MGST2: variants seen among roughly 807,000 people sequenced by gnomAD.
MGST2 encodes the protein microsomal glutathione S-transferase 2.
A neutral mutation model predicts 16.6 loss-of-function variants in MGST2; 9 were observed. That is an observed-to-expected ratio of 0.54 (90% CI 0.33 to 0.95). MGST2 has a LOEUF of 0.95. Among genes scored for constraint, MGST2 ranks in the 40% least tolerant of loss-of-function variants. The pLI is 0.03. For missense variants in MGST2, 159 were observed against 175.1 expected (o/e 0.91, Z 0.52); for synonymous variants, 79 against 68.0 (o/e 1.16, Z -0.79).
At chr4:139,688,427 C>A (rs888728753) in intron 2 of MGST2, among the ~76,000 whole-genome samples, 4 of 152,146 alleles carry the variant, frequency 2.6e-5, no homozygotes, top group Admixed American at 2.6e-4. Context: ...CAAAATTAAC[C>A]TGCCACAAGG....
At position 139,703,546 on chromosome 4, in the gene MGST2, A is replaced by G. The variant is rs935055223; in HGVS notation, c.311+10A>G. On this transcript the variant is annotated intron_variant, in intron 4 of 4. Transcript: ENST00000265498. ...AAGCTGCTAAAAAACGGTAAGGAGA[A>G]CCCAGTAATTTTGTATTTATGCAAA... 5.6e-6 allele frequency: 9 copies of G among 1,611,798 alleles called. No individual in the cohort carries two copies. The African/African-American group carries it at 6.7e-5, about 12-fold the overall frequency.
chr4:139,750,617 T>A, the MGST2 span, among the ~76,000 whole-genome samples: 7 of 152,216 alleles, frequency 4.6e-5, no homozygotes, highest in Admixed American at 3.9e-4. Flanking sequence ...GTTCACTCTG[T>A]CTGACCCCAG....
chr4:139,721,536 C>G (rs1158383880), intron 5 of MGST2, among the ~76,000 whole-genome samples: 1 of 152,130 alleles, frequency 6.6e-6, no homozygotes, highest in Non-Finnish European at 1.5e-5. Flanking sequence ...ACCTGGCACC[C>G]TGGTAGATAA....
Position 139,670,414 on chromosome 4 carries a change from T to C in MGST2, c.58+4337T>C, listed in dbSNP as rs1354472250. ...GCAATTGGGTTACAGTTTGGTTTTA[T>C]ACATTTTAAGGAGGCAGGAATTATA... is the stretch of plus-strand genomic sequence containing the variant. On this transcript the variant is annotated intron_variant, in intron 1 of 4. Coordinates refer to ENST00000265498, the MANE Select transcript of MGST2 (RefSeq NM_002413.5). Among the ~76,000 whole-genome samples the C allele has an allele frequency of 2.0e-5, 3 of 152,246 alleles. No homozygotes were observed. The East Asian group carries it at 5.8e-4, about 29-fold the overall frequency.
At chr4:139,690,502 A>G (rs535386850) in intron 2 of MGST2, among the ~76,000 whole-genome samples, 65 of 152,214 alleles carry the variant, frequency 4.3e-4, no homozygotes, top group Middle Eastern at 3.4e-3. Flanking sequence ...TTCCAGTTGA[A>G]TGTATTAGCT....
intron 1 of MGST2, among the ~76,000 whole-genome samples, chr4:139,670,252 G>C (rs1244709914): frequency 1.5e-5 from 2 of 133,930 alleles, no homozygotes; most frequent in Non-Finnish European, 3.2e-5. Context: ...TTCCTTCGGT[G>C]GGGGGCGGGG....
intron 2 of MGST2, among the ~76,000 whole-genome samples, chr4:139,688,505 G>T (rs1377714530): frequency 6.6e-6 from 1 of 150,548 alleles, no homozygotes; most frequent in African/African-American, 2.4e-5. Flanking sequence ...TCATTCTACT[G>T]TGATTCTGTA....
In MGST2 at chr4:139,710,636, T is replaced by C. The variant is rs538858650; in HGVS notation, c.*48+6440T>C. Among the ~76,000 whole-genome samples, 4 of 152,336 alleles carry C rather than the reference T, an allele frequency of 2.6e-5. No homozygotes were observed. The East Asian group carries it at 7.7e-4, about 29-fold the overall frequency. On this transcript the variant is annotated intron_variant, in intron 5 of 5. Transcript: ENST00000616265. ...AAAAGAACAAAGCCCAATGCCATGC[T>C]GTTTCCTACATGGTGTTATTTGCCA...
chr4:139,714,812 A>T (rs1221757096), intron 5 of MGST2, among the ~76,000 whole-genome samples: 1 of 152,166 alleles, frequency 6.6e-6, no homozygotes, highest in Non-Finnish European at 1.5e-5. Context: ...GACACTAAAA[A>T]GTTCAGGTGG....
downstream of MGST2, among the ~76,000 whole-genome samples, chr4:139,743,965 A>T (rs1188719764): frequency 6.6e-6 from 1 of 152,216 alleles, no homozygotes; most frequent in Non-Finnish European, 1.5e-5. Flanking sequence ...CCCTATGGCC[A>T]TAGAGTCCTG....
intron 1 of MGST2, among the ~76,000 whole-genome samples, chr4:139,667,259 G>T (rs545464986): frequency 2.6e-5 from 4 of 152,104 alleles, no homozygotes; most frequent in Admixed American, 2.0e-4. Context: ...CCTTTAGGCT[G>T]AACTTAAAAT....
intron 5 of MGST2, chr4:139,716,878 A>AAAG (rs1727992520): frequency 6.6e-6 from 1 of 152,660 alleles, no homozygotes; most frequent in African/African-American, 2.4e-5. Context: ...CTCAATGTAC[A>AAAG]AAGTAAAAAC....
intron 5 of MGST2, chr4:139,718,075 G>C (rs1728063354): frequency 6.6e-6 from 1 of 152,150 alleles, no homozygotes; most frequent in African/African-American, 2.4e-5. Flanking sequence ...TGATGGGAAA[G>C]GTGGATTTTT....
At chr4:139,668,595 C>CACAG (rs770095657) in intron 1 of MGST2, among the ~76,000 whole-genome samples, 5 of 135,184 alleles carry the variant, frequency 3.7e-5, no homozygotes, top group African/African-American at 1.4e-4. Context: ...AAGAAAGACA[C>CACAG]AGAGAGAGAG....
At chr4:139,680,760 G>A (rs1209791114) in intron 2 of MGST2, among the ~76,000 whole-genome samples, 3 of 152,134 alleles carry the variant, frequency 2.0e-5, no homozygotes, top group Non-Finnish European at 4.4e-5. Flanking sequence ...ATGCATTTCT[G>A]TATTAGAAAT....
the MGST2 span, among the ~76,000 whole-genome samples, chr4:139,746,767 C>T: frequency 6.6e-6 from 1 of 152,184 alleles, no homozygotes; most frequent in South Asian, 2.1e-4. Flanking sequence ...TCTTTCTGTG[C>T]ACCCACCAAA....
chr4:139,740,383 C>T (rs1729120392), exon 6 of MGST2: 1 of 152,194 alleles, frequency 6.6e-6, no homozygotes, highest in Non-Finnish European at 1.5e-5. Flanking sequence ...CCTCTGCCGG[C>T]ATGCAAGTGG....
chr4:139,685,285 T>C (rs974226027), intron 2 of MGST2: 6 of 157,264 alleles, frequency 3.8e-5, no homozygotes, highest in African/African-American at 1.2e-4. Context: ...GTCGTCCTCT[T>C]TGACTGAGCA....
At chr4:139,719,381 T>TG in intron 5 of MGST2, 1 of 1,612,800 alleles carries the variant, frequency 6.2e-7, no homozygotes, top group Non-Finnish European at 8.5e-7. Flanking sequence ...TGGCCCGCCT[T>TG]TGATGATGGA....
Sources: allele counts gnomAD v4.1 joint callset (sites outside exome capture counted in the v4.1 genomes callset), GRCh38; gene constraint gnomAD v4.1.1; transcripts MANE v1.5; gene names NCBI Gene and HGNC (gene_info 2026-07-23, HGNC 2026-07-21).